MRTFA: variants seen among roughly 807,000 people sequenced by gnomAD.
MRTFA encodes myocardin related transcription factor A.
MRTFA carries 20 observed loss-of-function variants against 83.5 expected under a neutral mutation model. The observed-to-expected ratio is 0.24, with a 90% CI of 0.17 to 0.35. The LOEUF (loss-of-function observed/expected upper bound fraction) is 0.35, where lower values mean the gene tolerates loss of function less well. Ranked by LOEUF, MRTFA falls within the 10% of genes least tolerant of loss-of-function variation. The probability of loss-of-function intolerance (pLI) is 1.00; values close to 1 mark genes in which losing one functional copy is unlikely to be tolerated. For missense variants in MRTFA, 1,200 were observed against 1,224.7 expected, an observed-to-expected ratio of 0.98 and a Z score of 0.30; for synonymous variants, 659 against 541.2, an observed-to-expected ratio of 1.22 and a Z score of -3.02.
intron 2 of MRTFA, among the ~76,000 whole-genome samples, chr22:40,583,030 ATAAAG>A (rs1470606568): frequency 1.3e-5 from 2 of 152,194 alleles, no homozygotes; most frequent in African/African-American, 2.4e-5. Context: ...ATGAGGCAAA[ATAAAG>A]TAAAAAGTCT....
intron 3 of MRTFA, among the ~76,000 whole-genome samples, chr22:40,543,676 G>A (rs1381271276): frequency 1.3e-5 from 2 of 152,204 alleles, no homozygotes; most frequent in African/African-American, 4.8e-5. Flanking sequence ...CTAAAGATGT[G>A]TAAGATCATC....
rs181863584 is a variant in MRTFA at position 40,582,807 on chromosome 22, G to T, written c.-22+11867C>A. 2.7e-3 allele frequency among the ~76,000 whole-genome samples: 413 copies of T among 152,124 alleles called. 4 individuals are homozygous for T. The highest frequency in any genetic ancestry group is 9.5e-3 in the African/African-American group (395 of 41,492). On this transcript the variant is annotated intron_variant, in intron 2 of 14. Coordinates refer to ENST00000355630, the MANE Select transcript of MRTFA (RefSeq NM_020831.6). ...TATGAATACCATTAGCTCCTTTAAG[G>T]TTACAATTAAAGTTGCCCAGAACTC...
rs1488954102 is a variant in MRTFA at position 40,411,803 on chromosome 22, CAGA to C, written c.2680_2682del (p.Ser894del). ...GGTGGGGCAGCCTGGGGGAGCTCAG[CAGA>C]AGGTGATGGCTGTGCTGCCAGGGGG... On this transcript the variant is annotated inframe_deletion, in exon 15 of 15. Coordinates refer to ENST00000355630, the MANE Select transcript of MRTFA (RefSeq NM_020831.6). 3.9e-6 allele frequency: 6 copies of C among 1,524,704 alleles called. No individual in the cohort carries two copies. Among genetic ancestry groups the C allele is most frequent in the East Asian group, 2.3e-5 (1 of 43,544 alleles). 94.4% of individuals were successfully genotyped at this position (1,524,704 alleles called of 1,614,324 possible). A position where few individuals can be genotyped will look rare whatever the true frequency, so the allele number is the denominator to read the frequency against.
chr22:40,636,322 G>A (rs1457463424), intron 1 of MRTFA, among the ~76,000 whole-genome samples, 156 bp downstream of exon 1: 3 of 152,140 alleles, frequency 2.0e-5, no homozygotes, highest in Admixed American at 6.5e-5. Flanking sequence ...CCCGAGGGCA[G>A]GGGCAGAAGG....
chr22:40,460,701 T>C (rs926634865), intron 4 of MRTFA, among the ~76,000 whole-genome samples: 4 of 152,108 alleles, frequency 2.6e-5, no homozygotes, highest in African/African-American at 7.2e-5. Flanking sequence ...TTGGAGTGTA[T>C]TGTAAAGCAC....
intron 3 of MRTFA, among the ~76,000 whole-genome samples, chr22:40,547,262 G>A (rs960926566): frequency 2.6e-5 from 4 of 151,620 alleles, no homozygotes; most frequent in African/African-American, 9.7e-5. Context: ...TCTGCCCTCA[G>A]GAAATAACTA....
intron 2 of MRTFA, among the ~76,000 whole-genome samples, chr22:40,566,768 G>A (rs918962675): frequency 5.3e-5 from 8 of 152,212 alleles, no homozygotes; most frequent in Non-Finnish European, 7.3e-5. Context: ...GCGAGGCGGA[G>A]GTTGCAGTGA....
intron 1 of MRTFA, among the ~76,000 whole-genome samples, chr22:40,603,759 AAAAT>A (rs1453307488): frequency 1.5e-4 from 22 of 151,044 alleles, no homozygotes; most frequent in Admixed American, 1.1e-3. Context: ...GTTGAAAAAA[AAAAT>A]TTTTTTTTTA....
At chr22:40,421,453 G>A (rs1034389499) in intron 9 of MRTFA, among the ~76,000 whole-genome samples, 1 of 152,170 alleles carries the variant, frequency 6.6e-6, no homozygotes, top group Admixed American at 6.5e-5. Context: ...TTCCAAAGAC[G>A]GGGCCACACA....
chr22:40,455,220 T>C (rs1314676251), intron 4 of MRTFA, among the ~76,000 whole-genome samples: 1 of 152,196 alleles, frequency 6.6e-6, no homozygotes, highest in East Asian at 1.9e-4. Flanking sequence ...AATTCAGTTT[T>C]TCAACTCAAG....
chr22:40,426,127 G>A (rs1187043006), intron 7 of MRTFA, among the ~76,000 whole-genome samples: 2 of 152,080 alleles, frequency 1.3e-5, no homozygotes, highest in East Asian at 3.9e-4. Flanking sequence ...TAGATGTGTG[G>A]GGAAGACCCC....
chr22:40,590,089 T>C (rs2056097752), intron 2 of MRTFA, among the ~76,000 whole-genome samples: 2 of 152,196 alleles, frequency 1.3e-5, no homozygotes, highest in Admixed American at 6.5e-5. Context: ...ACTTCATTTT[T>C]TTGCATTTTT....
chr22:40,557,547 G>A (rs1013133900), intron 2 of MRTFA, among the ~76,000 whole-genome samples: 8 of 152,034 alleles, frequency 5.3e-5, no homozygotes, highest in Non-Finnish European at 4.4e-5. Context: ...GAGGTGGGAG[G>A]ATCGCTAGAG....
At chr22:40,499,719 T>G (rs1427550811) in intron 3 of MRTFA, among the ~76,000 whole-genome samples, 1 of 152,154 alleles carries the variant, frequency 6.6e-6, no homozygotes, top group African/African-American at 2.4e-5. Flanking sequence ...CACTGGTCAT[T>G]TAAAGATTTT....
chr22:40,590,804 C>T (rs2056109306), intron 2 of MRTFA, among the ~76,000 whole-genome samples: 1 of 151,866 alleles, frequency 6.6e-6, no homozygotes, highest in Non-Finnish European at 1.5e-5. Context: ...TGTATACACA[C>T]ACAAGAAATA....
intron 1 of MRTFA, among the ~76,000 whole-genome samples, chr22:40,631,009 T>G (rs59078953): frequency 6.6e-6 from 1 of 152,232 alleles, no homozygotes; most frequent in Non-Finnish European, 1.5e-5. Context: ...AAACCCATTC[T>G]ACAGACAGAG....
chr22:40,518,598 C>T (rs1378209557), intron 3 of MRTFA, among the ~76,000 whole-genome samples: 1 of 151,744 alleles, frequency 6.6e-6, no homozygotes, highest in Non-Finnish European at 1.5e-5. Context: ...TCGAGATCAT[C>T]CTGGCTAACA....
At chr22:40,446,694 A>C (rs1197905891) in intron 4 of MRTFA, among the ~76,000 whole-genome samples, 1 of 152,238 alleles carries the variant, frequency 6.6e-6, no homozygotes, top group Non-Finnish European at 1.5e-5. Context: ...CAGTGGTCTC[A>C]GAGCTATGCC....
At chr22:40,505,923 T>C (rs1311693744) in intron 3 of MRTFA, among the ~76,000 whole-genome samples, 1 of 152,198 alleles carries the variant, frequency 6.6e-6, no homozygotes, top group Non-Finnish European at 1.5e-5. Context: ...AAAGTAGATA[T>C]AACATAGATT....
Sources: allele counts gnomAD v4.1 joint callset (sites outside exome capture counted in the v4.1 genomes callset), GRCh38; gene constraint gnomAD v4.1.1; transcripts MANE v1.5; gene names NCBI Gene and HGNC (gene_info 2026-07-23, HGNC 2026-07-21).